The following LDLRAD3 variants were observed in gnomAD, a reference collection of about 807,000 sequenced individuals.
The protein encoded by LDLRAD3 is low density lipoprotein receptor class A domain containing 3.
In LDLRAD3, 20 loss-of-function variants were observed where a neutral mutation model predicts 29.4. The observed-to-expected ratio is 0.68, with a 90% CI of 0.48 to 0.99. LDLRAD3 has a LOEUF of 0.99. Ranked by LOEUF, LDLRAD3 falls within the 50% of genes least tolerant of loss-of-function variation. LDLRAD3 has a pLI of 0.00. For missense variants in LDLRAD3, 420 were observed against 454.3 expected, an observed-to-expected ratio of 0.92 and a Z score of 0.69; for synonymous variants, 157 against 192.7, an observed-to-expected ratio of 0.81 and a Z score of 1.53.
chr11:36,089,261 G>C (rs1178004084), intron 3 of LDLRAD3, among the ~76,000 whole-genome samples: 3 of 152,112 alleles, frequency 2.0e-5, no homozygotes, highest in Non-Finnish European at 4.4e-5. Context: ...ATTTTAGGTA[G>C]ATAGTATTAT....
At chr11:36,165,517 C>T (rs1042462624) in intron 4 of LDLRAD3, among the ~76,000 whole-genome samples, 5 of 151,904 alleles carry the variant, frequency 3.3e-5, no homozygotes, top group Admixed American at 6.6e-5. Context: ...TTTTTCATCA[C>T]GTAATTGCCA....
At chr11:36,127,054 G>A (rs964584501) in intron 4 of LDLRAD3, among the ~76,000 whole-genome samples, 20 of 152,162 alleles carry the variant, frequency 1.3e-4, no homozygotes, top group Non-Finnish European at 2.2e-4. Context: ...TTTTTACACT[G>A]AGCACATTAC....
intron 1 of LDLRAD3, among the ~76,000 whole-genome samples, chr11:35,951,598 C>G (rs143599535): frequency 1.3e-5 from 2 of 152,182 alleles, no homozygotes; most frequent in Admixed American, 1.3e-4. Flanking sequence ...CTGGCTCTTG[C>G]TTTGCAAGAA....
chr11:36,038,722 AT>A (rs919782680), intron 2 of LDLRAD3, among the ~76,000 whole-genome samples: 2 of 151,924 alleles, frequency 1.3e-5, no homozygotes, highest in Admixed American at 6.6e-5. Context: ...ATTCTCCATT[AT>A]TTTTTTCCCC....
intron 2 of LDLRAD3, among the ~76,000 whole-genome samples, chr11:36,058,200 C>T (rs750768218): frequency 2.8e-4 from 43 of 152,296 alleles, no homozygotes; most frequent in Non-Finnish European, 5.4e-4. Flanking sequence ...GCTCTCCGCC[C>T]GCCAGCTCTG....
intron 4 of LDLRAD3, among the ~76,000 whole-genome samples, chr11:36,162,339 C>T (rs1854454306): frequency 6.6e-6 from 1 of 152,166 alleles, no homozygotes; most frequent in Non-Finnish European, 1.5e-5. Context: ...ACAGCATGTC[C>T]GATCTTCCTT....
chr11:36,144,761 G>T (rs1199101078), intron 4 of LDLRAD3, among the ~76,000 whole-genome samples: 1 of 136,658 alleles, frequency 7.3e-6, no homozygotes, highest in Non-Finnish European at 1.6e-5. Context: ...GGGAGGTGGG[G>T]GTCAGCCCCC....
chr11:36,151,456 TTTACGAAGA>T (rs545463186), intron 4 of LDLRAD3, among the ~76,000 whole-genome samples: 4 of 152,206 alleles, frequency 2.6e-5, no homozygotes, highest in South Asian at 2.1e-4. Context: ...TTACCGCCAT[TTTACGAAGA>T]AGGAAACTAA....
intron 4 of LDLRAD3, among the ~76,000 whole-genome samples, chr11:36,126,655 G>T (rs12800155): frequency 1.3e-5 from 2 of 151,952 alleles, no homozygotes; most frequent in South Asian, 2.1e-4. Context: ...GCTCATTCAC[G>T]TATGCAATAA....
intron 1 of LDLRAD3, among the ~76,000 whole-genome samples, chr11:36,001,758 C>T (rs1451581924): frequency 6.7e-6 from 1 of 148,324 alleles, no homozygotes; most frequent in Non-Finnish European, 1.5e-5. Flanking sequence ...ATATTGTATA[C>T]GTGTGTGTGT....
intron 2 of LDLRAD3, among the ~76,000 whole-genome samples, chr11:36,046,956 C>G (rs1852459412): frequency 6.6e-6 from 1 of 152,048 alleles, no homozygotes; most frequent in Non-Finnish European, 1.5e-5. Flanking sequence ...AATCTGATGC[C>G]TTCATTTGGC....
At chr11:36,036,027 C>T in intron 1 of LDLRAD3, 76 bp from the exon 2 acceptor site, 1 of 1,485,912 alleles carries the variant, frequency 6.7e-7, no homozygotes, top group Middle Eastern at 1.8e-4. Context: ...TATACCAAAC[C>T]ACACACCTTT....
At chr11:36,176,820 C>T (rs2133353559) in intron 4 of LDLRAD3, among the ~76,000 whole-genome samples, 1 of 152,204 alleles carries the variant, frequency 6.6e-6, no homozygotes, top group South Asian at 2.1e-4. Flanking sequence ...ATGAATTTCC[C>T]AGGTGTTCTT....
chr11:36,229,234 C>T lies in LDLRAD3; in HGVS notation c.875C>T (p.Pro292Leu), dbSNP rs202242031. The T allele has an allele frequency of 1.5e-4, 242 of 1,614,024 alleles. 1 individual carries two copies. In the East Asian group the frequency reaches 4.9e-3, roughly 33 times the overall value. ...TCTCTGAACCAAGCCGACCTGCCCCCCTACCGCTCCCGGTCCGGGAGTGCC... is the reference window on the plus strand; with the variant it reads ...TCTCTGAACCAAGCCGACCTGCCCCTCTACCGCTCCCGGTCCGGGAGTGCC... ...TESLNQADLP[P>L]YRSRSGSANS... is the part of the protein sequence containing the mutation. Residue 292 changes from proline to leucine, a missense_variant, in exon 6 of 6, where the codon CCC (proline) becomes CTC (leucine). Physicochemically the swap from Pro to Leu is moderately conservative, Grantham distance 98 (BLOSUM62 -3). Transcript: ENST00000315571.
rs377747518 is a variant in LDLRAD3, at chr11:36,191,576, C to CTCTCTATATA, written c.455-35508_455-35507insCTCTATATAT. Among the ~76,000 whole-genome samples the CTCTCTATATA allele has an allele frequency of 9.2e-4, 49 of 53,394 alleles. 1 individual carries two copies. The highest frequency in any genetic ancestry group is 1.7e-3 in the African/African-American group (21 of 12,092). 35.0% of individuals were successfully genotyped at this position (53,394 alleles called of 152,430 possible). On this transcript the variant is annotated intron_variant, in intron 4 of 5. Transcript: ENST00000315571. ...TCTCTCTCTCTCTCTCTCTCTCTCTCTATATATATATATATATATATATAC... is the reference window on the plus strand; with the variant it reads ...TCTCTCTCTCTCTCTCTCTCTCTCTCTCTCTATATATATATATATATATATATATATATAC...
chr11:36,138,142 A>G (rs376706276), intron 4 of LDLRAD3, among the ~76,000 whole-genome samples: 5 of 152,330 alleles, frequency 3.3e-5, no homozygotes, highest in African/African-American at 9.6e-5. Flanking sequence ...GGAACCATCT[A>G]TTGCCTTGTG....
chr11:36,051,194 C>G (rs1273981853), intron 2 of LDLRAD3, among the ~76,000 whole-genome samples: 2 of 152,154 alleles, frequency 1.3e-5, no homozygotes, highest in Admixed American at 1.3e-4. Context: ...CATATTTAGG[C>G]CTGCTTATGG....
At chr11:36,028,031 G>T (rs913753438) in intron 1 of LDLRAD3, among the ~76,000 whole-genome samples, 31 of 152,280 alleles carry the variant, frequency 2.0e-4, no homozygotes, top group African/African-American at 7.2e-4. Context: ...CAAGGACATG[G>T]GTGTGAGTGA....
intron 4 of LDLRAD3, among the ~76,000 whole-genome samples, chr11:36,114,741 G>C (rs1669202678): frequency 1.3e-5 from 2 of 152,140 alleles, no homozygotes; most frequent in African/African-American, 4.8e-5. Context: ...TTCTGGAAAT[G>C]TGCTGTGTAT....
Sources: gnomAD v4.1 joint callset for allele counts (sites outside exome capture counted in the v4.1 genomes callset) on GRCh38, gnomAD v4.1.1 for gene constraint, MANE v1.5 for transcripts, NCBI Gene and HGNC (gene_info 2026-07-23, HGNC 2026-07-21) for gene names.